Variants in ACSL3 observed in about 807,000 individuals in gnomAD.
ACSL3 encodes acyl-CoA synthetase long chain family member 3, also known as fatty acid CoA ligase Acsl3.
Under a neutral mutation model 84.7 loss-of-function variants are expected in ACSL3, and 34 were observed. That is an observed-to-expected ratio of 0.40 (90% CI 0.31 to 0.53). The LOEUF (loss-of-function observed/expected upper bound fraction) is 0.53, where lower values mean the gene tolerates loss of function less well. ACSL3 is among the 20% of genes least tolerant of loss of function. ACSL3 has a pLI of 0.48. For missense variants in ACSL3, 680 were observed against 873.1 expected (o/e 0.78, Z 2.79); for synonymous variants, 315 against 299.4 (o/e 1.05, Z -0.54).
chr2:222,936,574 C>T (rs1384229460), intron 16 of ACSL3, among the ~76,000 whole-genome samples: 1 of 151,842 alleles, frequency 6.6e-6, no homozygotes, highest in Admixed American at 6.6e-5. Context: ...CGATTCAAGT[C>T]CTTTGCCCAT....
At chr2:222,882,770 T>G (rs1452161255) in intron 1 of ACSL3, among the ~76,000 whole-genome samples, 3 of 143,940 alleles carry the variant, frequency 2.1e-5, no homozygotes, top group Non-Finnish European at 4.5e-5. Flanking sequence ...TGTTTTTTTT[T>G]TTTTTTTTTT....
intron 1 of ACSL3, among the ~76,000 whole-genome samples, chr2:222,883,084 A>G (rs1050752666): frequency 6.6e-6 from 1 of 151,246 alleles, no homozygotes; most frequent in African/African-American, 2.4e-5. Flanking sequence ...ACACTTTTTA[A>G]TAGTACCTCC....
At chr2:222,918,419 C>T (rs1696643322) in intron 6 of ACSL3, among the ~76,000 whole-genome samples, 1 of 151,764 alleles carries the variant, frequency 6.6e-6, no homozygotes, top group African/African-American at 2.4e-5. Flanking sequence ...TTATTGTGCT[C>T]ATCTATTTTC....
chr2:222,876,598 A>T (rs1385562187), intron 1 of ACSL3, among the ~76,000 whole-genome samples: 1 of 152,216 alleles, frequency 6.6e-6, no homozygotes, highest in African/African-American at 2.4e-5. Context: ...TTGGGATTAC[A>T]GGCATGAGCA....
At chr2:222,911,595 A>G (rs878936758) in intron 4 of ACSL3, among the ~76,000 whole-genome samples, 1 of 152,100 alleles carries the variant, frequency 6.6e-6, no homozygotes, top group Non-Finnish European at 1.5e-5. Context: ...TCCCACACAT[A>G]TTTTATTCAT....
intron 7 of ACSL3, 99 bp downstream of exon 7, chr2:222,919,301 C>CA: frequency 7.1e-7 from 1 of 1,408,150 alleles, no homozygotes; most frequent in African/African-American, 1.4e-5. Flanking sequence ...TCAAATGACA[C>CA]ATCAGTTTTC....
In ACSL3 at chr2:222,941,725, T is replaced by A; in HGVS notation, c.*71T>A. The A allele has an allele frequency of 6.8e-7, 1 of 1,481,206 alleles. No individual in the cohort carries two copies. Among genetic ancestry groups the A allele is most frequent in the Non-Finnish European group, 9.0e-7 (1 of 1,105,058 alleles). The allele number at this position is 1,481,206 out of a possible 1,614,324, so 91.8% of individuals were successfully genotyped here. On this transcript the variant is annotated 3_prime_UTR_variant, in exon 17 of 17. Coordinates refer to ENST00000357430, the MANE Select transcript of ACSL3 (RefSeq NM_004457.5). ...TAGGAAAATACTTGAAATGCATGTC[T>A]CAAGCTGCAAGGCAAACTCCATTCC... is the stretch of plus-strand genomic sequence containing the variant.
At chr2:222,919,313 A>G in intron 7 of ACSL3, 111 bp downstream of exon 7, 1 of 1,330,890 alleles carries the variant, frequency 7.5e-7, no homozygotes, top group Non-Finnish European at 1.0e-6. Context: ...TCAGTTTTCT[A>G]ACATCAGTTA....
chr2:222,866,250 A>G (rs1695135792), intron 1 of ACSL3, among the ~76,000 whole-genome samples: 1 of 151,766 alleles, frequency 6.6e-6, no homozygotes, highest in East Asian at 1.9e-4. Context: ...GGTTCACGCC[A>G]TTCTCCTGCC....
chr2:222,882,259 A>G (rs1233886719), intron 1 of ACSL3, among the ~76,000 whole-genome samples: 1 of 152,288 alleles, frequency 6.6e-6, no homozygotes, highest in African/African-American at 2.4e-5. Flanking sequence ...TCTACTTGCA[A>G]TTGATTGGGA....
intron 16 of ACSL3, among the ~76,000 whole-genome samples, chr2:222,935,756 A>G (rs553867081): frequency 6.6e-6 from 1 of 152,076 alleles, no homozygotes; most frequent in South Asian, 2.1e-4. Context: ...AATTTTGCAT[A>G]TTTCTTTCTT....
intron 1 of ACSL3, chr2:222,861,607 C>T (rs1303040028): frequency 1.3e-5 from 2 of 152,348 alleles, no homozygotes; most frequent in East Asian, 1.9e-4. Context: ...GGAGGCCACC[C>T]CCTTGAATTA....
intron 1 of ACSL3, among the ~76,000 whole-genome samples, chr2:222,879,096 C>A (rs1053327039): frequency 6.6e-6 from 1 of 152,182 alleles, no homozygotes; most frequent in Non-Finnish European, 1.5e-5. Context: ...GCGGGTGGAT[C>A]ACCTGAGGTC....
Position 222,934,711 on chromosome 2 carries a change from C to T in ACSL3, c.2005+24C>T, listed in dbSNP as rs775487908. On this transcript the variant is annotated intron_variant, in intron 16 of 16. Transcript: ENST00000357430. ...AGGTGAGTATTCGGTTAAACTGATA[C>T]TAAAAACTGAGATGGGAAGAGAGTA... 12 of 1,598,744 alleles carry T rather than the reference C, an allele frequency of 7.5e-6. No homozygotes were observed. In the Admixed American group the frequency reaches 8.8e-5, roughly 12 times the overall value.
Position 222,929,310 on chromosome 2 carries a change from T to G in ACSL3, c.1540+374T>G, listed in dbSNP as rs994560319. 1.1e-3 allele frequency among the ~76,000 whole-genome samples: 174 copies of G among 152,298 alleles called. 1 individual carries two copies. The highest frequency in any genetic ancestry group is 3.9e-3 in the African/African-American group (162 of 41,582). On this transcript the variant is annotated intron_variant, in intron 13 of 16. Coordinates refer to ENST00000357430, the MANE Select transcript of ACSL3 (RefSeq NM_004457.5). The stretch of plus-strand genomic sequence containing the variant: ...ATTTTTAAATGATTTTTTTCTTTTT[T>G]TTTCTGAGGGCTTCAACCTTGTATT...
Position 222,941,666 on chromosome 2 carries a change from T to G in ACSL3, c.*12T>G, listed in dbSNP as rs1396539862. ...ATGGAAGAAAATAATTATTCTCTTCTGGCATCAGTTTGCTACAGTGAGCTC... is the reference window on the plus strand; with the variant it reads ...ATGGAAGAAAATAATTATTCTCTTCGGGCATCAGTTTGCTACAGTGAGCTC... On this transcript the variant is annotated 3_prime_UTR_variant, in exon 17 of 17. Coordinates refer to ENST00000357430, the MANE Select transcript of ACSL3 (RefSeq NM_004457.5). 6.2e-7 allele frequency: 1 copy of G among 1,608,094 alleles called. No individual in the cohort carries two copies. Among genetic ancestry groups the G allele is most frequent in the Non-Finnish European group, 8.5e-7 (1 of 1,177,896 alleles).
At chr2:222,938,329 A>G (rs1441603040) in intron 16 of ACSL3, among the ~76,000 whole-genome samples, 2 of 152,026 alleles carry the variant, frequency 1.3e-5, no homozygotes, top group Non-Finnish European at 2.9e-5. Context: ...TCCTATCATT[A>G]TTTTTTGTAG....
chr2:222,886,024 T>C lies in ACSL3; in HGVS notation c.-206-1806T>C, dbSNP rs552069181. Among the ~76,000 whole-genome samples the C allele has an allele frequency of 9.2e-5, 14 of 152,254 alleles. No homozygotes were observed. The East Asian group carries it at 2.7e-3, about 29-fold the overall frequency. On this transcript the variant is annotated intron_variant, in intron 1 of 16. Transcript: ENST00000357430. ...TCCCAAAGTGTTGGGATTACAGGCG[T>C]GAGCCACCATGCCTGACTTTAAAAA... is the stretch of plus-strand genomic sequence containing the variant.
rs1042700210 is a variant in ACSL3, at chr2:222,928,774, G to A, written c.1466-88G>A. The A allele has an allele frequency of 3.5e-6, 4 of 1,127,572 alleles. No individual in the cohort carries two copies. In the Admixed American group the frequency reaches 5.6e-5, roughly 16 times the overall value. 69.8% of individuals were successfully genotyped at this position (1,127,572 alleles called of 1,614,324 possible). A position where few individuals can be genotyped will look rare whatever the true frequency, so the allele number is the denominator to read the frequency against. On this transcript the variant is annotated intron_variant, in intron 12 of 16. Coordinates refer to ENST00000357430, the MANE Select transcript of ACSL3 (RefSeq NM_004457.5). Reference sequence around the variant, plus strand: ...ATAGCTGGGGATACCTCAGCCTTAGGATAAATAATCATTTTTGGTAATTTA... The same window carrying A: ...ATAGCTGGGGATACCTCAGCCTTAGAATAAATAATCATTTTTGGTAATTTA...
Sources: gnomAD v4.1 joint callset for allele counts (sites outside exome capture counted in the v4.1 genomes callset) on GRCh38, gnomAD v4.1.1 for gene constraint, MANE v1.5 for transcripts, NCBI Gene and HGNC (gene_info 2026-07-23, HGNC 2026-07-21) for gene names.